The following HSPBAP1 variants were observed in gnomAD, a reference collection of about 807,000 sequenced individuals.
HSPBAP1 encodes HSPB1-associated protein 1.
In HSPBAP1, 27 loss-of-function variants were observed where a neutral mutation model predicts 45.2. The ratio of observed to expected loss-of-function variants is 0.60; its 90% CI spans 0.44 to 0.82. HSPBAP1 has a LOEUF of 0.82. Among genes scored for constraint, HSPBAP1 ranks in the 40% least tolerant of loss-of-function variants. HSPBAP1 has a pLI of 0.00. For missense variants in HSPBAP1, 510 were observed against 590.9 expected (o/e 0.86, Z 1.42); for synonymous variants, 204 against 202.7 (o/e 1.01, Z -0.06).
At chr3:122,742,045 A>G (rs1259724760) in intron 6 of HSPBAP1, among the ~76,000 whole-genome samples, 1 of 152,036 alleles carries the variant, frequency 6.6e-6, no homozygotes, top group Non-Finnish European at 1.5e-5. Context: ...AAACTTTTGC[A>G]CATGTGTGCC....
chr3:122,762,517 C>G (rs1001240821), intron 3 of HSPBAP1, among the ~76,000 whole-genome samples: 1 of 152,144 alleles, frequency 6.6e-6, no homozygotes, highest in Admixed American at 6.5e-5. Flanking sequence ...TAATATTGGG[C>G]CTCCCTGTCT....
chr3:122,793,207 G>T (rs1935890582), intron 1 of HSPBAP1, among the ~76,000 whole-genome samples: 1 of 152,054 alleles, frequency 6.6e-6, no homozygotes, highest in African/African-American at 2.4e-5. Context: ...GCTAAACCAG[G>T]GTTCACTGAA....
intron 2 of HSPBAP1, among the ~76,000 whole-genome samples, chr3:122,776,113 G>A (rs1935184794): frequency 6.6e-6 from 1 of 152,160 alleles, no homozygotes; most frequent in African/African-American, 2.4e-5. Context: ...CTGGGGTAAG[G>A]CAGAATGGAA....
At chr3:122,779,074 G>A (rs1043178088) in intron 1 of HSPBAP1, among the ~76,000 whole-genome samples, 1 of 149,822 alleles carries the variant, frequency 6.7e-6, no homozygotes, top group Non-Finnish European at 1.5e-5. Context: ...TCGCTCTGTC[G>A]CTCTGTTGCC....
In HSPBAP1 at chr3:122,740,428, T is replaced by C. The variant is rs745323875; in HGVS notation, c.1384A>G (p.Thr462Ala). 1.2e-6 allele frequency: 2 copies of C among 1,612,720 alleles called. No homozygotes were observed. The highest frequency in any genetic ancestry group is 1.7e-6 in the Non-Finnish European group (2 of 1,179,568). ...TTTTPQTFIS[T>A]DDLLDCLVNP... ...ACCAAGCAGTCCAGCAAGTCATCCGTAGAAATGAATGTTTGAGGAGTCGTA... is the reference window on the plus strand; with the variant it reads ...ACCAAGCAGTCCAGCAAGTCATCCGCAGAAATGAATGTTTGAGGAGTCGTA... Residue 462 changes from threonine to alanine, a missense_variant, in exon 8 of 8, where the codon ACG becomes GCG. Physicochemically the swap from Thr to Ala is moderately conservative, Grantham distance 58. Transcript: ENST00000306103.
chr3:122,772,447 G>A (rs1935035354), intron 2 of HSPBAP1, among the ~76,000 whole-genome samples: 1 of 152,100 alleles, frequency 6.6e-6, no homozygotes, highest in Non-Finnish European at 1.5e-5. Context: ...CAAACTGGTA[G>A]CTTAATATGC....
intron 1 of HSPBAP1, among the ~76,000 whole-genome samples, chr3:122,789,855 C>A (rs933108749): frequency 7.1e-6 from 1 of 141,748 alleles, no homozygotes; most frequent in African/African-American, 2.6e-5. Context: ...GGCAATCATG[C>A]CAAAGCTTCT....
intron 3 of HSPBAP1, among the ~76,000 whole-genome samples, chr3:122,762,468 C>T (rs1012188217): frequency 1.3e-4 from 20 of 152,082 alleles, no homozygotes; most frequent in African/African-American, 3.6e-4. Flanking sequence ...CACTGTCAGA[C>T]GGCACTTTTC....
chr3:122,749,899 T>C (rs34876089), intron 6 of HSPBAP1, among the ~76,000 whole-genome samples: 24,681 of 150,008 alleles, frequency 0.16, 2,073 homozygotes, highest in African/African-American at 0.2. Context: ...TGTGAGCCAC[T>C]GCACCCGGCC....
chr3:122,748,226 C>T (rs1171471275), intron 6 of HSPBAP1, among the ~76,000 whole-genome samples: 2 of 152,026 alleles, frequency 1.3e-5, no homozygotes, highest in African/African-American at 2.4e-5. Context: ...TCTCAAGTAC[C>T]CAGGGACACA....
chr3:122,785,973 T>C (rs1374622920), intron 1 of HSPBAP1, among the ~76,000 whole-genome samples: 6 of 152,118 alleles, frequency 3.9e-5, no homozygotes, highest in Non-Finnish European at 8.8e-5. Context: ...TCCTTTTCTA[T>C]ATACTGCCTG....
chr3:122,750,248 C>CTCCCAA (rs1437541199), intron 6 of HSPBAP1, among the ~76,000 whole-genome samples: 2 of 152,152 alleles, frequency 1.3e-5, no homozygotes, highest in African/African-American at 4.8e-5. Flanking sequence ...GCTGGGATTA[C>CTCCCAA]AGGCGTAAGC....
chr3:122,792,113 T>C (rs760359573), intron 1 of HSPBAP1, among the ~76,000 whole-genome samples: 18 of 152,156 alleles, frequency 1.2e-4, no homozygotes, highest in Non-Finnish European at 2.4e-4. Context: ...TTATAGAGTT[T>C]GGGAATTTGT....
At chr3:122,754,617 G>T in intron 5 of HSPBAP1, 1 of 984,040 alleles carries the variant, frequency 1.0e-6, no homozygotes, top group Non-Finnish European at 1.2e-6. Context: ...CAAGGGAGAG[G>T]GATAATCGAG....
chr3:122,746,658 C>T (rs1379901553), intron 6 of HSPBAP1, among the ~76,000 whole-genome samples: 6 of 150,320 alleles, frequency 4.0e-5, no homozygotes, highest in Non-Finnish European at 7.5e-5. Context: ...CCTCTCCCCA[C>T]GGTCTCCCTC....
At chr3:122,765,209 G>T (rs573920699) in intron 3 of HSPBAP1, among the ~76,000 whole-genome samples, 17 of 152,266 alleles carry the variant, frequency 1.1e-4, no homozygotes, top group African/African-American at 4.1e-4. Flanking sequence ...CATTTAAGGG[G>T]CTGTTTGAAA....
At chr3:122,772,685 A>C (rs1198503784) in intron 2 of HSPBAP1, among the ~76,000 whole-genome samples, 1 of 152,142 alleles carries the variant, frequency 6.6e-6, no homozygotes, top group African/African-American at 2.4e-5. Flanking sequence ...AATTATTAGA[A>C]TATTTCTCTA....
At chr3:122,792,088 A>G (rs1324539967) in intron 1 of HSPBAP1, among the ~76,000 whole-genome samples, 3 of 152,244 alleles carry the variant, frequency 2.0e-5, no homozygotes, top group South Asian at 4.1e-4. Flanking sequence ...AAATTAAGAA[A>G]GAGGCAGAGA....
rs546211122 is a variant in HSPBAP1, at chr3:122,744,260, C to T, written c.826-3147G>A. On this transcript the variant is annotated intron_variant, in intron 6 of 7. Coordinates refer to ENST00000306103, the MANE Select transcript of HSPBAP1 (RefSeq NM_024610.6). The stretch of plus-strand genomic sequence containing the variant: ...TAAGGAGGTGAAAAAGATGAAAAGG[C>T]ACCAGCCAAGAAGAAATGGATCCTG... Among the ~76,000 whole-genome samples the T allele has an allele frequency of 3.3e-5, 5 of 152,162 alleles. No individual in the cohort carries two copies. The East Asian group carries it at 9.7e-4, about 29-fold the overall frequency.
Sources: gnomAD v4.1 joint callset for allele counts (sites outside exome capture counted in the v4.1 genomes callset) on GRCh38, gnomAD v4.1.1 for gene constraint, MANE v1.5 for transcripts, NCBI Gene and HGNC (gene_info 2026-07-23, HGNC 2026-07-21) for gene names.